Variants in GLIS1 observed in about 807,000 individuals in gnomAD.
GLIS1 encodes the protein GLIS family zinc finger 1, also known as zinc finger protein GLIS1.
GLIS1 carries 24 observed loss-of-function variants against 63.8 expected under a neutral mutation model. That is an observed-to-expected ratio of 0.38 (90% CI 0.27 to 0.53). GLIS1 has a LOEUF of 0.53. GLIS1 is among the 20% of genes least tolerant of loss of function. The pLI is 0.85. For synonymous variants in GLIS1, 450 were observed against 482.5 expected, an observed-to-expected ratio of 0.93 and a Z score of 0.88; for missense variants, 1,036 against 1,074.1, an observed-to-expected ratio of 0.96 and a Z score of 0.50.
At chr1:53,550,748 C>T (rs1168482206) in intron 4 of GLIS1, among the ~76,000 whole-genome samples, 5 of 152,182 alleles carry the variant, frequency 3.3e-5, no homozygotes, top group Non-Finnish European at 7.3e-5. Flanking sequence ...CTCTCAACAA[C>T]TCCACAGGGA....
At chr1:53,669,982 C>G (rs1646134943) in intron 2 of GLIS1, among the ~76,000 whole-genome samples, 1 of 152,216 alleles carries the variant, frequency 6.6e-6, no homozygotes, top group Non-Finnish European at 1.5e-5. Flanking sequence ...GCAGTAAATA[C>G]TTAAAGTGGG....
chr1:53,690,538 C>T (rs968445331), intron 2 of GLIS1, among the ~76,000 whole-genome samples: 4 of 152,252 alleles, frequency 2.6e-5, no homozygotes, highest in Admixed American at 6.5e-5. Context: ...CTGCATCTGG[C>T]AATGGACATG....
intron 5 of GLIS1, among the ~76,000 whole-genome samples, chr1:53,525,474 GCTGGGGAGTCTGGCGGGGC>G (rs1644457840): frequency 7.6e-6 from 1 of 131,264 alleles, no homozygotes; most frequent in Non-Finnish European, 1.5e-5. Context: ...GGCTGGGGAG[GCTGGGGAGTCTGGCGGGGC>G]TGGGGGCTGT....
rs771504349 is a variant in GLIS1 at position 53,560,666 on chromosome 1, G to A, written c.1321-30714C>T. The stretch of plus-strand genomic sequence containing the variant: ...ACTGCCTTTGGCAAACACTTGTTGC[G>A]GGCCGTGTGTCCCGCAATGTTCTAG... On this transcript the variant is annotated intron_variant, in intron 4 of 10. Transcript: ENST00000628545. This position sits in a 1 kb window ranked among gnomAD's most constrained non-coding sequence, Gnocchi z 4.4. Among the ~76,000 whole-genome samples the A allele has an allele frequency of 2.6e-5, 4 of 152,120 alleles. No individual in the cohort carries two copies. Among genetic ancestry groups the A allele is most frequent in the Non-Finnish European group, 4.4e-5 (3 of 68,010 alleles).
intron 2 of GLIS1, among the ~76,000 whole-genome samples, chr1:53,695,997 C>T (rs1570064062): frequency 6.6e-6 from 1 of 152,170 alleles, no homozygotes; most frequent in Admixed American, 6.5e-5. Context: ...CAGGCAGACT[C>T]GCAGTCAGCA....
intron 2 of GLIS1, among the ~76,000 whole-genome samples, chr1:53,614,922 T>TCA (rs1553129493): frequency 5.9e-5 from 9 of 151,794 alleles, no homozygotes; most frequent in Non-Finnish European, 1.3e-4. Context: ...ACACACACTC[T>TCA]CACACACATA....
At chr1:53,613,171 G>A (rs1357991534) in intron 2 of GLIS1, among the ~76,000 whole-genome samples, 3 of 152,138 alleles carry the variant, frequency 2.0e-5, no homozygotes, top group African/African-American at 4.8e-5. Context: ...ATATTAGTCC[G>A]ATACAAGCTA....
intron 2 of GLIS1, among the ~76,000 whole-genome samples, chr1:53,679,260 G>A (rs1005436937): frequency 7.2e-5 from 11 of 152,200 alleles, no homozygotes; most frequent in East Asian, 1.9e-4. Flanking sequence ...CAGCAGCTGC[G>A]TGACTGTGGG....
At chr1:53,617,717 T>A (rs916935540) in intron 2 of GLIS1, among the ~76,000 whole-genome samples, 7 of 152,214 alleles carry the variant, frequency 4.6e-5, no homozygotes, top group African/African-American at 1.4e-4. Flanking sequence ...ATATGAAAAA[T>A]TTTTAAAAGA....
intron 2 of GLIS1, among the ~76,000 whole-genome samples, chr1:53,731,161 C>T (rs1335863550): frequency 2.6e-5 from 4 of 152,350 alleles, no homozygotes; most frequent in East Asian, 3.9e-4. Flanking sequence ...CCAGTCAGGA[C>T]GGGAGTTGCC....
At chr1:53,519,153 GC>G (rs993679765) in intron 7 of GLIS1, among the ~76,000 whole-genome samples, 1 of 152,164 alleles carries the variant, frequency 6.6e-6, no homozygotes, top group African/African-American at 2.4e-5. Flanking sequence ...GGTTGGATGA[GC>G]CCCCCGGTCC....
intron 7 of GLIS1, among the ~76,000 whole-genome samples, chr1:53,515,944 G>T (rs1480864438): frequency 6.6e-6 from 1 of 152,032 alleles, no homozygotes; most frequent in African/African-American, 2.4e-5. Flanking sequence ...TCTCTAGGAA[G>T]TGGCCAGTTT....
intron 8 of GLIS1, among the ~76,000 whole-genome samples, chr1:53,513,258 C>A (rs1644316380): frequency 6.6e-6 from 1 of 152,138 alleles, no homozygotes; most frequent in African/African-American, 2.4e-5. Flanking sequence ...CTGAACCAGG[C>A]CCTGGCTTGG....
Position 53,506,629 on chromosome 1 carries a change from G to A in GLIS1, c.2378C>T (p.Thr793Ile). 9 of 1,613,524 alleles carry A rather than the reference G, an allele frequency of 5.6e-6. No homozygotes were observed. The highest frequency in any genetic ancestry group is 6.8e-6 in the Non-Finnish European group (8 of 1,179,988). ...HCLGHIPSIY[T>I]DT is the part of the protein sequence containing the mutation. Reference sequence around the variant, plus strand: ...CATGTGGGGGCTCCTTCAGGTGTCTGTGTAGATGGAGGGGATGTGGCCCAG... The same window carrying A: ...CATGTGGGGGCTCCTTCAGGTGTCTATGTAGATGGAGGGGATGTGGCCCAG... Residue 793 changes from threonine to isoleucine, a missense_variant, in exon 11 of 11, where the codon ACA becomes ATA. Around this residue, in one of 3 missense-constraint regions of GLIS1, gnomAD observed 400 missense variants for 400.9 expected, o/e 1.00. Coordinates refer to ENST00000628545, the MANE Select transcript of GLIS1 (RefSeq NM_001367484.1).
chr1:53,737,702 C>A, intron 2 of GLIS1, 104 bp downstream of exon 2: 1 of 1,117,950 alleles, frequency 8.9e-7, no homozygotes, highest in Non-Finnish European at 1.1e-6. Context: ...AACTGAGGAA[C>A]TCCGAAGAAA....
chr1:53,698,181 T>C (rs1780394), intron 2 of GLIS1, among the ~76,000 whole-genome samples: 140,631 of 151,944 alleles, frequency 0.93, 65,232 homozygotes, highest in Admixed American at 0.96. Flanking sequence ...CCTCCCAGCT[T>C]CAGTGCGAGA....
intron 2 of GLIS1, among the ~76,000 whole-genome samples, chr1:53,630,395 T>G (rs1300641967): frequency 6.6e-6 from 1 of 152,200 alleles, no homozygotes; most frequent in Non-Finnish European, 1.5e-5. Flanking sequence ...CCAAAAGGGC[T>G]GAATATTTTC....
intron 4 of GLIS1, among the ~76,000 whole-genome samples, chr1:53,565,920 A>G (rs937872625): frequency 6.6e-6 from 1 of 152,148 alleles, no homozygotes; most frequent in African/African-American, 2.4e-5. Context: ...CTCATAAATA[A>G]AGACAAAAAA....
At chr1:53,686,806 G>C (rs1402660048) in intron 2 of GLIS1, among the ~76,000 whole-genome samples, 1 of 152,146 alleles carries the variant, frequency 6.6e-6, no homozygotes, top group Non-Finnish European at 1.5e-5. Context: ...AAATGTTCCA[G>C]GTGGCCTGAA....
Sources: gnomAD v4.1 joint callset for allele counts (sites outside exome capture counted in the v4.1 genomes callset) on GRCh38, gnomAD v4.1.1 for gene constraint, gnomAD v4.1.1 regional missense constraint, Gnocchi (gnomAD v3.1) non-coding constraint, MANE v1.5 for transcripts, NCBI Gene and HGNC (gene_info 2026-07-23, HGNC 2026-07-21) for gene names.